Variants in SLC68A1 observed in about 807,000 individuals in gnomAD.
SLC68A1 encodes the protein major facilitator superfamily domain containing 13A.
the SLC68A1 span, chr10:102,473,934 G>A: frequency 6.2e-7 from 1 of 1,613,726 alleles, no homozygotes; most frequent in Non-Finnish European, 8.5e-7. Context: ...ACTCCTCTTT[G>A]GCATGGTTGC....
At chr10:102,476,171 A>G in the SLC68A1 span, 10 of 1,058,144 alleles carry the variant, frequency 9.5e-6, no homozygotes, top group African/African-American at 1.2e-4. Flanking sequence ...AGGTTCAAGC[A>G]ATTATCCTGC....
the SLC68A1 span, chr10:102,476,834 T>A: frequency 1.0e-6 from 1 of 985,640 alleles, no homozygotes; most frequent in Non-Finnish European, 1.2e-6. Flanking sequence ...ATACTGCAAC[T>A]GCTCCCTTTT....
chr10:102,474,203 C>A, the SLC68A1 span, among the ~76,000 whole-genome samples: 1 of 152,208 alleles, frequency 6.6e-6, no homozygotes, highest in African/African-American at 2.4e-5. Context: ...TTCATTCATT[C>A]AACAAATATG....
At chr10:102,476,424 C>G in the SLC68A1 span, 2 of 777,354 alleles carry the variant, frequency 2.6e-6, no homozygotes, top group Non-Finnish European at 3.1e-6. Flanking sequence ...AGGCTGGTCT[C>G]GAACTCCTGA....
the SLC68A1 span, chr10:102,476,079 T>TG: frequency 7.9e-7 from 1 of 1,263,164 alleles, no homozygotes; most frequent in Non-Finnish European, 1.0e-6. Context: ...TTCATAGTTT[T>TG]TTTTTTTTTT....
chr10:102,472,833 A>G, the SLC68A1 span: 1 of 1,604,744 alleles, frequency 6.2e-7, no homozygotes, highest in Non-Finnish European at 8.5e-7. Flanking sequence ...AAGCCTCCTC[A>G]CCATCCCTGT....
the SLC68A1 span, chr10:102,473,072 T>C: frequency 1.3e-6 from 1 of 793,358 alleles, no homozygotes; most frequent in Non-Finnish European, 2.2e-6. Context: ...GTGATCCACC[T>C]GCCTCTGCCT....
the SLC68A1 span, chr10:102,471,353 G>A: frequency 2.6e-5 from 42 of 1,613,600 alleles, no homozygotes; most frequent in African/African-American, 6.7e-5. Flanking sequence ...CAGCTGGCAC[G>A]CCATCGGAAC....
At chr10:102,476,196 T>G in the SLC68A1 span, 1 of 841,442 alleles carries the variant, frequency 1.2e-6, no homozygotes, top group Non-Finnish European at 1.7e-6. Context: ...GCCTCCCGAG[T>G]AGGTGGGATT....
At chr10:102,472,148 G>T in the SLC68A1 span, 2 of 393,374 alleles carry the variant, frequency 5.1e-6, no homozygotes, top group South Asian at 3.5e-5. Context: ...GGGCGGCAGA[G>T]AAAGGCTCCA....
At chr10:102,471,063 G>C in the SLC68A1 span, 2 of 1,613,864 alleles carry the variant, frequency 1.2e-6, no homozygotes, top group Non-Finnish European at 1.7e-6. Flanking sequence ...CTGAGGCGGC[G>C]GGTTGAGGCG....
the SLC68A1 span, chr10:102,461,509 T>G: frequency 6.6e-6 from 1 of 152,140 alleles, no homozygotes; most frequent in African/African-American, 2.4e-5. Flanking sequence ...CTGGGGCCGA[T>G]CTGGCACAAA....
the SLC68A1 span, among the ~76,000 whole-genome samples, chr10:102,471,683 C>T: frequency 6.6e-6 from 1 of 151,892 alleles, no homozygotes; most frequent in Non-Finnish European, 1.5e-5. Flanking sequence ...CACTTGAACC[C>T]GGAAGGCGGA....
the SLC68A1 span, chr10:102,473,750 C>G: frequency 1.2e-6 from 2 of 1,610,600 alleles, no homozygotes; most frequent in Admixed American, 1.7e-5. Context: ...AGGTATGCCC[C>G]TGCCCACGCT....
the SLC68A1 span, among the ~76,000 whole-genome samples, chr10:102,468,098 C>T: frequency 2.6e-5 from 4 of 152,124 alleles, no homozygotes; most frequent in Non-Finnish European, 5.9e-5. Flanking sequence ...CCAGGGACCA[C>T]GCCCTCCTCT....
At chr10:102,473,842 C>T in the SLC68A1 span, 7 of 1,613,374 alleles carry the variant, frequency 4.3e-6, no homozygotes, top group East Asian at 1.1e-4. Flanking sequence ...ACTGAGGGCA[C>T]CTGTAAGCTG....
chr10:102,468,908 C>T, the SLC68A1 span: 2 of 761,490 alleles, frequency 2.6e-6, no homozygotes, highest in Non-Finnish European at 4.2e-6. Flanking sequence ...GGGTTAAGAA[C>T]AGAGCTGGCT....
chr10:102,462,879 G>T, the SLC68A1 span, among the ~76,000 whole-genome samples: 1 of 152,098 alleles, frequency 6.6e-6, no homozygotes, highest in African/African-American at 2.4e-5. Flanking sequence ...ATTCTTCTTT[G>T]TACCTGCTGC....
At chr10:102,462,218 AAC>A in the SLC68A1 span, among the ~76,000 whole-genome samples, 1 of 152,160 alleles carries the variant, frequency 6.6e-6, no homozygotes, top group Non-Finnish European at 1.5e-5. Flanking sequence ...TGAAACAGGA[AAC>A]ACAGCAGACA....
Sources: gnomAD v4.1 joint callset for allele counts (sites outside exome capture counted in the v4.1 genomes callset) on GRCh38, gnomAD v4.1.1 for gene constraint, MANE v1.5 for transcripts, NCBI Gene and HGNC (gene_info 2026-07-23, HGNC 2026-07-21) for gene names.